POU4F2: variants seen among roughly 807,000 people sequenced by gnomAD.
POU4F2 encodes the protein POU class 4 homeobox 2.
A neutral mutation model predicts 21.5 loss-of-function variants in POU4F2; 10 were observed. The observed-to-expected ratio is 0.46, with a 90% CI of 0.29 to 0.79. The LOEUF is 0.79. Ranked by LOEUF, POU4F2 falls within the 30% of genes least tolerant of loss-of-function variation. POU4F2 has a pLI of 0.10. For missense variants in POU4F2, 623 were observed against 603.3 expected (o/e 1.03, Z -0.34); for synonymous variants, 324 against 271.1 (o/e 1.20, Z -1.92).
At chr4:146,639,601 C>G (rs1038212848) in intron 1 of POU4F2, among the ~76,000 whole-genome samples, 173 bp downstream of exon 1, 1 of 151,806 alleles carries the variant, frequency 6.6e-6, no homozygotes, top group African/African-American at 2.4e-5. Context: ...TTTTTATGAC[C>G]TGGGATGTTG....
At chr4:146,639,583 C>T (rs1290334738) in intron 1 of POU4F2, among the ~76,000 whole-genome samples, 155 bp downstream of exon 1, 2 of 151,856 alleles carry the variant, frequency 1.3e-5, no homozygotes, top group African/African-American at 2.4e-5. Flanking sequence ...TCTTGCCTTT[C>T]ATATTAATTT....
In POU4F2 at chr4:146,639,027, A is replaced by T; in HGVS notation, c.-114A>T. On this transcript the variant is annotated 5_prime_UTR_variant, in exon 1 of 2. Coordinates refer to ENST00000281321, the MANE Select transcript of POU4F2 (RefSeq NM_004575.3). The stretch of plus-strand genomic sequence containing the variant: ...CCGGAGGCGGCGGCGGGTGAGCTCA[A>T]CTTCGCACAGCCCTTCCCAGCTCCA... 14 of 1,326,298 alleles carry T rather than the reference A, an allele frequency of 1.1e-5. No homozygotes were observed. Among genetic ancestry groups the T allele is most frequent in the Non-Finnish European group, 1.4e-5 (14 of 991,596 alleles). 82.2% of individuals were successfully genotyped at this position (1,326,298 alleles called of 1,614,324 possible). A position where few individuals can be genotyped will look rare whatever the true frequency, so the allele number is the denominator to read the frequency against.
chr4:146,640,085 C>A lies in POU4F2; in HGVS notation c.507C>A (p.Gly169=). ...TCTCGCACCCTTCCGCGTTGGCGGG[C>A]ACGCACCACCACCACCACCATCACC... ...VPISHPSALA[G]THHHHHHHHH... is the part of the protein sequence containing the mutation. Residue 169 remains glycine, a synonymous_variant, in exon 2 of 2, where the codon GGC becomes GGA. Transcript: ENST00000281321. The surrounding 1 kb of genome is among the most constrained non-coding windows in gnomAD (Gnocchi z 4.8). 1 of 1,604,630 alleles carries A rather than the reference C, an allele frequency of 6.2e-7. No individual in the cohort carries two copies. The highest frequency in any genetic ancestry group is 8.5e-7 in the Non-Finnish European group (1 of 1,179,814).
Position 146,639,384 on chromosome 4 carries a change from G to C in POU4F2, c.244G>C (p.Gly82Arg), listed in dbSNP as rs760756175. 56 of 1,471,214 alleles carry C rather than the reference G, an allele frequency of 3.8e-5. 2 individuals are homozygous for C. In the South Asian group the frequency reaches 8.1e-4, roughly 21 times the overall value. The allele number at this position is 1,471,214 out of a possible 1,614,324, so 91.1% of individuals were successfully genotyped here. A position where few individuals can be genotyped will look rare whatever the true frequency, so the allele number is the denominator to read the frequency against. ...CAGCAGCAGTGGCAGCAGCGGCGGC[G>C]GGGGCTCGGAGGCTATGCGGAGAGC... ...SSSSSGSSGG[G>R]GSEAMRRACL... The change falls in exon 1 of 2, where the codon GGG becomes CGG. Residue 82 changes from glycine (G) to arginine (R), a missense_variant. Physicochemically the swap from Gly to Arg is moderately radical, Grantham distance 125. Transcript: ENST00000281321.
Position 146,640,562 on chromosome 4 carries a change from G to T in POU4F2, c.984G>T (p.Lys328Asn), listed in dbSNP as rs751098355. The change falls in exon 2 of 2, where the codon AAG becomes AAT. Residue 328 changes from lysine to asparagine, a missense_variant. Coordinates refer to ENST00000281321, the MANE Select transcript of POU4F2 (RefSeq NM_004575.3). This position sits in a 1 kb window ranked among gnomAD's most constrained non-coding sequence, Gnocchi z 4.8. The stretch of plus-strand genomic sequence containing the variant: ...AGGCATGGCTCGAGGAGGCCGAGAA[G>T]TCCCACCGCGAGAAGCTCACCAAGC... The part of the protein sequence containing the change: ...ILQAWLEEAE[K>N]SHREKLTKPE... 1 of 1,613,794 alleles carries T rather than the reference G, an allele frequency of 6.2e-7. No homozygotes were observed. Among genetic ancestry groups the T allele is most frequent in the South Asian group, 1.1e-5 (1 of 91,040 alleles).
Position 146,640,038 on chromosome 4 carries a change from G to A in POU4F2, c.460G>A (p.Ala154Thr), listed in dbSNP as rs764664393. The change falls in exon 2 of 2, where the codon GCC becomes ACC. Residue 154 changes from alanine to threonine, a missense_variant. Ala to Thr is a moderately conservative substitution (Grantham distance 58). Coordinates refer to ENST00000281321, the MANE Select transcript of POU4F2 (RefSeq NM_004575.3). The surrounding 1 kb of genome is among the most constrained non-coding windows in gnomAD (Gnocchi z 4.8). ...TMNTIPCTSA[A>T]SSSSVPISHP... ...GAATACCATCCCGTGCACGTCGGCCGCCTCTTCTTCATCGGTGCCCATCTC... is the reference window on the plus strand; with the variant it reads ...GAATACCATCCCGTGCACGTCGGCCACCTCTTCTTCATCGGTGCCCATCTC... The A allele has an allele frequency of 2.6e-5, 42 of 1,609,810 alleles. No individual in the cohort carries two copies. Among genetic ancestry groups the A allele is most frequent in the Middle Eastern group, 3.3e-4 (2 of 6,078 alleles).
At position 146,639,210 on chromosome 4, in the gene POU4F2, C is replaced by T; in HGVS notation, c.70C>T (p.Pro24Ser). ...MPHGGSLHVE[P>S]KYSALHSTSP... is the part of the protein sequence containing the mutation. ...GCACGGCGGCAGCCTGCACGTGGAGCCCAAGTACTCGGCACTGCACAGCAC... is the reference window on the plus strand; with the variant it reads ...GCACGGCGGCAGCCTGCACGTGGAGTCCAAGTACTCGGCACTGCACAGCAC... Residue 24 changes from proline (P) to serine (S), a missense_variant, in exon 1 of 2, where the codon CCC becomes TCC. Physicochemically the swap from Pro to Ser is moderately conservative, Grantham distance 74. Around this residue, in one of 3 missense-constraint regions of POU4F2, gnomAD observed 94 missense variants for 74.1 expected, o/e 1.27. Transcript: ENST00000281321. 1 of 1,607,144 alleles carries T rather than the reference C, an allele frequency of 6.2e-7. No homozygotes were observed. The highest frequency in any genetic ancestry group is 8.5e-7 in the Non-Finnish European group (1 of 1,177,470).
Position 146,641,368 on chromosome 4 carries a change from G to T in POU4F2, c.*560G>T, listed in dbSNP as rs1044750448. 37 of 152,574 alleles carry T rather than the reference G, an allele frequency of 2.4e-4. No homozygotes were observed. Among genetic ancestry groups the T allele is most frequent in the African/African-American group, 8.7e-4 (36 of 41,516 alleles). 9.5% of individuals were successfully genotyped at this position (152,574 alleles called of 1,614,324 possible). On this transcript the variant is annotated 3_prime_UTR_variant, in exon 2 of 2. Transcript: ENST00000281321. ...ATATTATATATATATTTTTATTGTGGTTCTTACCCCCTTTTCCTTCTCTGA... is the reference window on the plus strand; with the variant it reads ...ATATTATATATATATTTTTATTGTGTTTCTTACCCCCTTTTCCTTCTCTGA...
Position 146,639,392 on chromosome 4 carries a change from G to T in POU4F2, c.252G>T (p.Ser84=). Residue 84 remains serine, a synonymous_variant, in exon 1 of 2, where the codon TCG becomes TCT. Coordinates refer to ENST00000281321, the MANE Select transcript of POU4F2 (RefSeq NM_004575.3). Reference sequence around the variant, plus strand: ...GTGGCAGCAGCGGCGGCGGGGGCTCGGAGGCTATGCGGAGAGCCTGTCTTC... The same window carrying T: ...GTGGCAGCAGCGGCGGCGGGGGCTCTGAGGCTATGCGGAGAGCCTGTCTTC... ...SSSGSSGGGG[S]EAMRRACLPT... 1 of 1,470,280 alleles carries T rather than the reference G, an allele frequency of 6.8e-7. No individual in the cohort carries two copies. The highest frequency in any genetic ancestry group is 8.9e-7 in the Non-Finnish European group (1 of 1,119,258). 91.1% of individuals were successfully genotyped at this position (1,470,280 alleles called of 1,614,324 possible). A position where few individuals can be genotyped will look rare whatever the true frequency, so the allele number is the denominator to read the frequency against.
At position 146,641,391 on chromosome 4, in the gene POU4F2, T is replaced by C. The variant is rs975440819; in HGVS notation, c.*583T>C. On this transcript the variant is annotated 3_prime_UTR_variant, in exon 2 of 2. Transcript: ENST00000281321. ...TGGTTCTTACCCCCTTTTCCTTCTC[T>C]GAAGTGTTAATGCTTAAGAAAAGAG... 6.6e-6 allele frequency: 1 copy of C among 152,656 alleles called. No individual in the cohort carries two copies. Among genetic ancestry groups the C allele is most frequent in the East Asian group, 1.9e-4 (1 of 5,196 alleles). 9.5% of individuals were successfully genotyped at this position (152,656 alleles called of 1,614,324 possible).
Position 146,640,221 on chromosome 4 carries a change from A to C in POU4F2, c.643A>C (p.Thr215Pro). 2 of 1,571,068 alleles carry C rather than the reference A, an allele frequency of 1.3e-6. No homozygotes were observed. Among genetic ancestry groups the C allele is most frequent in the Non-Finnish European group, 1.7e-6 (2 of 1,164,774 alleles). ...MAGPDGAVVSTPAHAPHMATM... is the reference protein window; with the variant it reads ...MAGPDGAVVSPPAHAPHMATM... Reference sequence around the variant, plus strand: ...GGGCCCCGACGGCGCTGTGGTGTCCACGCCGGCTCACGCGCCGCACATGGC... The same window carrying C: ...GGGCCCCGACGGCGCTGTGGTGTCCCCGCCGGCTCACGCGCCGCACATGGC... The change falls in exon 2 of 2, where the codon ACG becomes CCG. Residue 215 changes from threonine (T) to proline (P), a missense_variant. Physicochemically the swap from Thr to Pro is conservative, Grantham distance 38. Around this residue, in one of 3 missense-constraint regions of POU4F2, gnomAD observed 523 missense variants for 504.1 expected, o/e 1.04. Transcript: ENST00000281321. The surrounding 1 kb of genome is among the most constrained non-coding windows in gnomAD (Gnocchi z 4.8).
rs371120198 is a variant in POU4F2 at position 146,640,456 on chromosome 4, C to T, written c.878C>T (p.Ser293Leu). Residue 293 changes from serine to leucine, a missense_variant, in exon 2 of 2, where the codon TCG becomes TTG. Ser to Leu is a moderately radical substitution (Grantham distance 145). Around this residue, in one of 3 missense-constraint regions of POU4F2, gnomAD observed 523 missense variants for 504.1 expected, o/e 1.04. Coordinates refer to ENST00000281321, the MANE Select transcript of POU4F2 (RefSeq NM_004575.3). This position sits in a 1 kb window ranked among gnomAD's most constrained non-coding sequence, Gnocchi z 4.8. ...LANLKIPGVG[S>L]LSQSTICRFE... Reference sequence around the variant, plus strand: ...AACCTCAAGATCCCCGGCGTGGGCTCGCTTAGCCAGAGCACCATCTGCAGG... The same window carrying T: ...AACCTCAAGATCCCCGGCGTGGGCTTGCTTAGCCAGAGCACCATCTGCAGG... 6.2e-7 allele frequency: 1 copy of T among 1,613,840 alleles called. No homozygotes were observed. Among genetic ancestry groups the T allele is most frequent in the Non-Finnish European group, 8.5e-7 (1 of 1,180,012 alleles).
In POU4F2 at chr4:146,640,572, G is replaced by T; in HGVS notation, c.994G>T (p.Glu332Ter). 6.2e-7 allele frequency: 1 copy of T among 1,613,840 alleles called. No individual in the cohort carries two copies. Among genetic ancestry groups the T allele is most frequent in the Non-Finnish European group, 8.5e-7 (1 of 1,179,834 alleles). Residue 332 changes from glutamate to a stop codon, truncating the protein, a stop_gained, in exon 2 of 2, where the codon GAG (glutamate) becomes TAG (stop). Transcript: ENST00000281321. LOFTEE classifies it high-confidence loss of function. This position sits in a 1 kb window ranked among gnomAD's most constrained non-coding sequence, Gnocchi z 4.8. ...WLEEAEKSHR[E>*]KLTKPELFNG... ...CGAGGAGGCCGAGAAGTCCCACCGC[G>T]AGAAGCTCACCAAGCCTGAACTCTT...
chr4:146,640,269 G>A lies in POU4F2; in HGVS notation c.691G>A (p.Ala231Thr), dbSNP rs758672868. The A allele has an allele frequency of 6.4e-7, 1 of 1,571,084 alleles. No homozygotes were observed. The highest frequency in any genetic ancestry group is 1.7e-5 in the Admixed American group (1 of 57,618). ...HMATMNPMHQ[A>T]ALSMAHAHGL... ...GGCCACCATGAACCCCATGCACCAA[G>A]CAGCGCTCAGCATGGCCCACGCGCA... Residue 231 changes from alanine (A) to threonine (T), a missense_variant, in exon 2 of 2, where the codon GCA (alanine) becomes ACA (threonine). By Grantham distance (58) the Ala-to-Thr change is moderately conservative. Coordinates refer to ENST00000281321, the MANE Select transcript of POU4F2 (RefSeq NM_004575.3). This position sits in a 1 kb window ranked among gnomAD's most constrained non-coding sequence, Gnocchi z 4.8.
intron 1 of POU4F2, 133 bp from the exon 2 acceptor site, chr4:146,639,728 GATTATT>G: frequency 2.0e-6 from 2 of 988,562 alleles, no homozygotes; most frequent in Non-Finnish European, 2.9e-6. Context: ...CTGTTTTCAG[GATTATT>G]ATTATTATTA....
Position 146,640,178 on chromosome 4 carries a change from G to T in POU4F2, c.600G>T (p.Leu200=). The change falls in exon 2 of 2, where the codon CTG becomes CTT. Residue 200 remains leucine, a synonymous_variant. Coordinates refer to ENST00000281321, the MANE Select transcript of POU4F2 (RefSeq NM_004575.3). The surrounding 1 kb of genome is among the most constrained non-coding windows in gnomAD (Gnocchi z 4.8). The part of the protein sequence containing the change: ...GELLEHLSPG[L]ALGAMAGPDG... ...TGCTGGAGCACCTGAGTCCCGGGCT[G>T]GCCCTGGGCGCTATGGCGGGCCCCG... The T allele has an allele frequency of 6.3e-7, 1 of 1,589,906 alleles. No individual in the cohort carries two copies. The highest frequency in any genetic ancestry group is 1.7e-4 in the Middle Eastern group (1 of 6,046).
In POU4F2 at chr4:146,639,364, G is replaced by T. The variant is rs1561026823; in HGVS notation, c.224G>T (p.Ser75Ile). 1 of 1,478,572 alleles carries T rather than the reference G, an allele frequency of 6.8e-7. No homozygotes were observed. The highest frequency in any genetic ancestry group is 8.9e-7 in the Non-Finnish European group (1 of 1,121,634). The allele number at this position is 1,478,572 out of a possible 1,614,324, so 91.6% of individuals were successfully genotyped here. The change falls in exon 1 of 2, where the codon AGC becomes ATC. Residue 75 changes from serine to isoleucine, a missense_variant. Ser to Ile is a moderately radical substitution (Grantham distance 142, BLOSUM62 -2). Around this residue, in one of 3 missense-constraint regions of POU4F2, gnomAD observed 523 missense variants for 504.1 expected, o/e 1.04. Transcript: ENST00000281321. ...GGGGRSSSSS[S>I]SGSSGGGGSE... The stretch of plus-strand genomic sequence containing the variant: ...GGAGGCCGAAGCAGCAGCTCCAGCA[G>T]CAGTGGCAGCAGCGGCGGCGGGGGC...
chr4:146,640,273 C>G lies in POU4F2; in HGVS notation c.695C>G (p.Ala232Gly). The change falls in exon 2 of 2, where the codon GCG (alanine) becomes GGG (glycine). Residue 232 changes from alanine (A) to glycine (G), a missense_variant. Physicochemically the swap from Ala to Gly is moderately conservative, Grantham distance 60 (BLOSUM62 0). Coordinates refer to ENST00000281321, the MANE Select transcript of POU4F2 (RefSeq NM_004575.3). The surrounding 1 kb of genome is among the most constrained non-coding windows in gnomAD (Gnocchi z 4.8). ...MATMNPMHQA[A>G]LSMAHAHGLP... is the part of the protein sequence containing the mutation. The stretch of plus-strand genomic sequence containing the variant: ...ACCATGAACCCCATGCACCAAGCAG[C>G]GCTCAGCATGGCCCACGCGCACGGG... 1 of 1,569,292 alleles carries G rather than the reference C, an allele frequency of 6.4e-7. No individual in the cohort carries two copies.
At position 146,640,056 on chromosome 4, in the gene POU4F2, C is replaced by T. The variant is rs1225730695; in HGVS notation, c.478C>T (p.Pro160Ser). 7 of 1,608,340 alleles carry T rather than the reference C, an allele frequency of 4.4e-6. No individual in the cohort carries two copies. Among genetic ancestry groups the T allele is most frequent in the Non-Finnish European group, 5.9e-6 (7 of 1,179,870 alleles). ...CTSAASSSSV[P>S]ISHPSALAGT... ...GTCGGCCGCCTCTTCTTCATCGGTG[C>T]CCATCTCGCACCCTTCCGCGTTGGC... The change falls in exon 2 of 2, where the codon CCC becomes TCC. Residue 160 changes from proline (P) to serine (S), a missense_variant. Physicochemically the swap from Pro to Ser is moderately conservative, Grantham distance 74. Around this residue, in one of 3 missense-constraint regions of POU4F2, gnomAD observed 523 missense variants for 504.1 expected, o/e 1.04. Coordinates refer to ENST00000281321, the MANE Select transcript of POU4F2 (RefSeq NM_004575.3). The surrounding 1 kb of genome is among the most constrained non-coding windows in gnomAD (Gnocchi z 4.8).
Sources: allele counts gnomAD v4.1 joint callset (sites outside exome capture counted in the v4.1 genomes callset), GRCh38; gene constraint gnomAD v4.1.1; regional missense constraint gnomAD v4.1.1; non-coding constraint Gnocchi (gnomAD v3.1); transcripts MANE v1.5; gene names NCBI Gene and HGNC (gene_info 2026-07-23, HGNC 2026-07-21).